The following MYCBP2 variants were observed in gnomAD, a reference collection of about 807,000 sequenced individuals.
MYCBP2 encodes MYC binding protein 2.
MYCBP2 carries 120 observed loss-of-function variants against 525.3 expected under a neutral mutation model. The ratio of observed to expected loss-of-function variants is 0.23; its 90% CI spans 0.20 to 0.27. MYCBP2 has a LOEUF of 0.27. Ranked by LOEUF, MYCBP2 falls within the 10% of genes least tolerant of loss-of-function variation. MYCBP2 has a pLI of 1.00. For missense variants in MYCBP2, 4,149 were observed against 5,657.1 expected, an observed-to-expected ratio of 0.73 and a Z score of 8.55; for synonymous variants, 1,894 against 1,955.8, an observed-to-expected ratio of 0.97 and a Z score of 0.83.
chr13:77,263,569 G>A, intron 10 of MYCBP2, 82 bp downstream of exon 10: 1 of 1,209,008 alleles, frequency 8.3e-7, no homozygotes, highest in Non-Finnish European at 1.2e-6. Flanking sequence ...AAGCTGAACT[G>A]GTGAAAACAC....
intron 11 of MYCBP2, among the ~76,000 whole-genome samples, chr13:77,261,798 A>C (rs569760667): frequency 9.9e-5 from 15 of 152,106 alleles, no homozygotes; most frequent in African/African-American, 3.4e-4. Context: ...TGCTCAACTC[A>C]GGGTTGTCAC....
Position 77,326,374 on chromosome 13 carries a change from G to GGTACACACACGCAAGC in MYCBP2, c.302+84_302+99dup. The GGTACACACACGCAAGC allele has an allele frequency of 1.7e-6, 2 of 1,199,186 alleles. No individual in the cohort carries two copies. Among genetic ancestry groups the GGTACACACACGCAAGC allele is most frequent in the East Asian group, 2.8e-5 (1 of 35,198 alleles). The allele number at this position is 1,199,186 out of a possible 1,614,324, so 74.3% of individuals were successfully genotyped here. ...GGACTGAAAGCTCAATAAATGCGCA[G>GGTACACACACGCAAGC]GTACACACACGCAAGCACACACACA... is the stretch of plus-strand genomic sequence containing the variant. On this transcript the variant is annotated intron_variant, in intron 1 of 82. Coordinates refer to ENST00000544440, the MANE Select transcript of MYCBP2 (RefSeq NM_015057.5). The surrounding 1 kb of genome is among the most constrained non-coding windows in gnomAD (Gnocchi z 4.2).
intron 26 of MYCBP2, among the ~76,000 whole-genome samples, chr13:77,204,960 C>T (rs910793127): frequency 3.3e-5 from 5 of 150,720 alleles, no homozygotes; most frequent in Admixed American, 1.3e-4. Context: ...ATGACAAGTT[C>T]GTGGGTGCAG....
chr13:77,202,095 T>C (rs912571645), intron 26 of MYCBP2, among the ~76,000 whole-genome samples: 7 of 151,950 alleles, frequency 4.6e-5, no homozygotes, highest in African/African-American at 1.7e-4. Context: ...AATTAATGAA[T>C]CCAGGAGCTG....
chr13:77,061,880 C>G (rs1372003590), intron 74 of MYCBP2, 90 bp from the exon 75 acceptor site: 2 of 1,284,944 alleles, frequency 1.6e-6, no homozygotes, highest in Non-Finnish European at 2.1e-6. Flanking sequence ...CAAAAATAAA[C>G]CGTTATTCGG....
chr13:77,220,240 T>TA (rs149676141), intron 20 of MYCBP2, among the ~76,000 whole-genome samples: 2 of 151,450 alleles, frequency 1.3e-5, no homozygotes, highest in Non-Finnish European at 2.9e-5. Flanking sequence ...GAAATAAAGT[T>TA]AAAAAAAGGG....
At chr13:77,125,029 C>T (rs1352381423) in intron 54 of MYCBP2, among the ~76,000 whole-genome samples, 1 of 152,000 alleles carries the variant, frequency 6.6e-6, no homozygotes, top group East Asian at 1.9e-4. Flanking sequence ...AGGGATAGAA[C>T]GTTCAGTCCT....
At chr13:77,103,860 A>G in intron 55 of MYCBP2, among the ~76,000 whole-genome samples, 1 of 152,076 alleles carries the variant, frequency 6.6e-6, no homozygotes, top group Admixed American at 6.6e-5. Context: ...TACTAACCCC[A>G]GTATTTAGTG....
At chr13:77,282,467 T>TAACAA (rs1427302025) in intron 3 of MYCBP2, among the ~76,000 whole-genome samples, 6 of 151,720 alleles carry the variant, frequency 4.0e-5, no homozygotes, top group African/African-American at 1.5e-4. Flanking sequence ...GTTCCTTGCC[T>TAACAA]AACAAATTTA....
intron 14 of MYCBP2, among the ~76,000 whole-genome samples, chr13:77,256,133 T>C (rs1483560852): frequency 1.3e-5 from 2 of 152,062 alleles, no homozygotes; most frequent in African/African-American, 4.8e-5. Context: ...GTGTCTACAA[T>C]TTAGTCTTTT....
At chr13:77,298,388 T>C (rs2078420553) in intron 1 of MYCBP2, among the ~76,000 whole-genome samples, 1 of 152,222 alleles carries the variant, frequency 6.6e-6, no homozygotes, top group South Asian at 2.1e-4. Context: ...AGCCAATAAC[T>C]GTAATTATGT....
intron 8 of MYCBP2, 131 bp downstream of exon 8, chr13:77,267,710 T>C: frequency 2.9e-6 from 2 of 694,788 alleles, no homozygotes; most frequent in South Asian, 1.7e-5. Flanking sequence ...ATGCTTTGTA[T>C]GTCAAGATTT....
At chr13:77,134,960 A>C (rs1304472829) in intron 52 of MYCBP2, among the ~76,000 whole-genome samples, 1 of 152,208 alleles carries the variant, frequency 6.6e-6, no homozygotes, top group Non-Finnish European at 1.5e-5. Flanking sequence ...ATTATCTAAA[A>C]TGGGTAATTA....
intron 1 of MYCBP2, among the ~76,000 whole-genome samples, chr13:77,303,377 T>C (rs751400869): frequency 2.6e-5 from 4 of 152,328 alleles, no homozygotes; most frequent in Admixed American, 6.5e-5. Flanking sequence ...CCTGACCTAA[T>C]TGGCATACAT....
intron 1 of MYCBP2, among the ~76,000 whole-genome samples, chr13:77,313,977 G>A (rs754962927): frequency 2.6e-5 from 4 of 151,806 alleles, no homozygotes; most frequent in Admixed American, 6.6e-5. Flanking sequence ...CTATCAGAAT[G>A]GCCAAAATCC....
intron 44 of MYCBP2, among the ~76,000 whole-genome samples, chr13:77,159,181 AAGCTAAAAAGTTACC>A (rs1473517923): frequency 1.3e-5 from 2 of 152,232 alleles, no homozygotes; most frequent in Non-Finnish European, 2.9e-5. Flanking sequence ...GTGTGCTCTT[AAGCTAAAAAGTTACC>A]ATCCCTGAAT....
chr13:77,269,906 T>C, intron 7 of MYCBP2, 86 bp downstream of exon 7: 2 of 972,096 alleles, frequency 2.1e-6, no homozygotes, highest in Non-Finnish European at 3.2e-6. Context: ...TCTGTTTAAA[T>C]AGAAGTGATA....
At chr13:77,247,620 A>G (rs2070282906) in intron 15 of MYCBP2, among the ~76,000 whole-genome samples, 2 of 152,200 alleles carry the variant, frequency 1.3e-5, no homozygotes, top group Non-Finnish European at 2.9e-5. Flanking sequence ...TAGCCAAACA[A>G]TCTTGAAAAA....
chr13:77,210,341 C>T (rs1027938915), intron 23 of MYCBP2, among the ~76,000 whole-genome samples: 10 of 151,802 alleles, frequency 6.6e-5, no homozygotes, highest in East Asian at 1.9e-4. Flanking sequence ...TACAGGTGCC[C>T]GCCACCACGC....
Sources: allele counts gnomAD v4.1 joint callset (sites outside exome capture counted in the v4.1 genomes callset), GRCh38; gene constraint gnomAD v4.1.1; non-coding constraint Gnocchi (gnomAD v3.1); transcripts MANE v1.5; gene names NCBI Gene and HGNC (gene_info 2026-07-23, HGNC 2026-07-21).